PTPRN2: variants seen among roughly 807,000 people sequenced by gnomAD.
PTPRN2 encodes protein tyrosine phosphatase receptor type N2, also known as receptor-type tyrosine-protein phosphatase N2.
PTPRN2 carries 74 observed loss-of-function variants against 118.8 expected under a neutral mutation model. That is an observed-to-expected ratio of 0.62 (90% confidence interval 0.52 to 0.76). PTPRN2 has a LOEUF of 0.76. Among genes scored for constraint, PTPRN2 ranks in the 30% least tolerant of loss-of-function variants. PTPRN2 has a pLI of 0.00. For synonymous variants in PTPRN2, 641 were observed against 608.0 expected, an observed-to-expected ratio of 1.05 and a Z score of -0.80; for missense variants, 1,481 against 1,394.4, an observed-to-expected ratio of 1.06 and a Z score of -0.99.
intron 2 of PTPRN2, among the ~76,000 whole-genome samples, chr7:158,332,722 C>G (rs903988312): frequency 6.6e-6 from 1 of 151,336 alleles, no homozygotes; most frequent in Non-Finnish European, 1.5e-5. Flanking sequence ...GTCACTTACA[C>G]CCACACTCTC....
chr7:158,373,659 A>T (rs182181907), intron 2 of PTPRN2, among the ~76,000 whole-genome samples: 9 of 152,364 alleles, frequency 5.9e-5, no homozygotes, highest in African/African-American at 1.9e-4. Context: ...TGATTCATCC[A>T]TCTTTGAAAT....
At chr7:158,357,239 G>A (rs191647078) in intron 2 of PTPRN2, among the ~76,000 whole-genome samples, 57 of 152,368 alleles carry the variant, frequency 3.7e-4, no homozygotes, top group African/African-American at 1.3e-3. Context: ...ACAAAACGAC[G>A]CCCGGCAGTG....
intron 5 of PTPRN2, among the ~76,000 whole-genome samples, chr7:158,169,030 C>T (rs1585720317): frequency 6.6e-6 from 1 of 152,196 alleles, no homozygotes; most frequent in East Asian, 1.9e-4. Context: ...TTTCTACTTG[C>T]ACCTCCTTGG....
chr7:158,078,130 C>T (rs1195607627), intron 11 of PTPRN2, among the ~76,000 whole-genome samples: 1 of 152,192 alleles, frequency 6.6e-6, no homozygotes, highest in African/African-American at 2.4e-5. Flanking sequence ...ATCAATACCA[C>T]GTGACGTTTG....
chr7:157,548,714 T>C (rs1798446578), intron 22 of PTPRN2, among the ~76,000 whole-genome samples: 1 of 152,108 alleles, frequency 6.6e-6, no homozygotes, highest in African/African-American at 2.4e-5. Flanking sequence ...ATCGAGTTCC[T>C]AGGACTTGAG....
chr7:158,143,022 C>T (rs1386005210), intron 6 of PTPRN2, among the ~76,000 whole-genome samples: 3 of 152,202 alleles, frequency 2.0e-5, no homozygotes, highest in African/African-American at 7.2e-5. Context: ...ACCGAGCCAC[C>T]GAGCCACGAG....
chr7:157,724,957 A>G (rs1316169768), intron 12 of PTPRN2, among the ~76,000 whole-genome samples: 1 of 152,254 alleles, frequency 6.6e-6, no homozygotes, highest in East Asian at 1.9e-4. Flanking sequence ...AATATTATCA[A>G]TATTTTAAAG....
chr7:158,173,350 C>T (rs1432263417), intron 5 of PTPRN2, among the ~76,000 whole-genome samples: 1 of 152,138 alleles, frequency 6.6e-6, no homozygotes, highest in Admixed American at 6.5e-5. Flanking sequence ...TACAGCTGGG[C>T]CTTCAGGGGT....
intron 3 of PTPRN2, among the ~76,000 whole-genome samples, chr7:158,209,184 G>A (rs915835394): frequency 6.6e-6 from 1 of 150,730 alleles, no homozygotes; most frequent in Non-Finnish European, 1.5e-5. Flanking sequence ...TAACAAAATG[G>A]CAAGAGTAAG....
intron 12 of PTPRN2, among the ~76,000 whole-genome samples, chr7:157,709,130 C>T (rs1370601787): frequency 3.3e-5 from 5 of 152,138 alleles, no homozygotes; most frequent in African/African-American, 9.7e-5. Context: ...GGGCCTGGGT[C>T]GGGGGCTGTG....
intron 3 of PTPRN2, among the ~76,000 whole-genome samples, chr7:158,269,852 A>G (rs1455492475): frequency 6.8e-6 from 1 of 148,144 alleles, no homozygotes; most frequent in East Asian, 1.9e-4. Context: ...AGTCGGAGAC[A>G]CAGAGACAGA....
At chr7:157,959,595 C>T (rs1801394333) in intron 11 of PTPRN2, among the ~76,000 whole-genome samples, 1 of 152,168 alleles carries the variant, frequency 6.6e-6, no homozygotes, top group African/African-American at 2.4e-5. Context: ...AGCTGTTCAA[C>T]ATCACCAGCC....
chr7:157,540,891 G>A (rs570180611), intron 22 of PTPRN2, 106 bp from the exon 23 acceptor site: 19 of 839,210 alleles, frequency 2.3e-5, no homozygotes, highest in Admixed American at 2.7e-5. Context: ...CCTTCCCAAC[G>A]CAGCATCAGC....
intron 2 of PTPRN2, among the ~76,000 whole-genome samples, chr7:158,351,522 G>T (rs766980749): frequency 1.4e-4 from 21 of 152,210 alleles, no homozygotes; most frequent in Non-Finnish European, 2.6e-4. Context: ...GCCTTTTAAA[G>T]AATGCTAAAA....
At chr7:157,657,437 C>T (rs1795592684) in intron 13 of PTPRN2, among the ~76,000 whole-genome samples, 1 of 134,668 alleles carries the variant, frequency 7.4e-6, no homozygotes, top group South Asian at 2.6e-4. Flanking sequence ...GCCACACACA[C>T]ACACCACACA....
At chr7:157,751,989 C>A (rs373231965) in intron 12 of PTPRN2, among the ~76,000 whole-genome samples, 1 of 152,212 alleles carries the variant, frequency 6.6e-6, no homozygotes, top group South Asian at 2.1e-4. Context: ...CCCGGCCTTG[C>A]GAGACTCCCA....
At chr7:158,418,363 CATGGTGA>C (rs1434626038) in intron 2 of PTPRN2, among the ~76,000 whole-genome samples, 8 of 150,104 alleles carry the variant, frequency 5.3e-5, no homozygotes, top group Non-Finnish European at 8.9e-5. Flanking sequence ...TGTGTTAAGT[CATGGTGA>C]ACTACATCAA....
intron 2 of PTPRN2, among the ~76,000 whole-genome samples, chr7:158,480,993 C>T (rs183057018): frequency 1.3e-5 from 2 of 152,388 alleles, no homozygotes; most frequent in East Asian, 3.9e-4. Context: ...AAGGTGGCTG[C>T]TCTAACAACA....
intron 2 of PTPRN2, among the ~76,000 whole-genome samples, chr7:158,341,259 G>A (rs1406545942): frequency 3.3e-5 from 5 of 150,246 alleles, no homozygotes; most frequent in African/African-American, 9.9e-5. Context: ...ACCTGCAGAC[G>A]TCATTCACAC....
Sources: allele counts gnomAD v4.1 joint callset (sites outside exome capture counted in the v4.1 genomes callset), GRCh38; gene constraint gnomAD v4.1.1; transcripts MANE v1.5; gene names NCBI Gene and HGNC (gene_info 2026-07-23, HGNC 2026-07-21).